FRMD4A: variants seen among roughly 807,000 people sequenced by gnomAD.
FRMD4A encodes FERM domain containing 4A.
FRMD4A carries 29 observed loss-of-function variants against 129.1 expected under a neutral mutation model. The ratio of observed to expected loss-of-function variants is 0.22; its 90% CI spans 0.17 to 0.31. The LOEUF (loss-of-function observed/expected upper bound fraction) is 0.31. FRMD4A is among the 10% of genes least tolerant of loss of function. The probability of loss-of-function intolerance (pLI) is 1.00; values close to 1 mark genes in which losing one functional copy is unlikely to be tolerated. For missense variants in FRMD4A, 1,272 were observed against 1,375.8 expected (o/e 0.92, Z 1.19); for synonymous variants, 634 against 571.6 (o/e 1.11, Z -1.56).
intron 5 of FRMD4A, among the ~76,000 whole-genome samples, chr10:13,788,920 G>C (rs1049163658): frequency 2.0e-5 from 3 of 152,180 alleles, no homozygotes; most frequent in Non-Finnish European, 4.4e-5. Flanking sequence ...ACATCAGCCA[G>C]GTCTCCTCCT....
chr10:14,089,918 G>A (rs1836560442), intron 2 of FRMD4A, among the ~76,000 whole-genome samples: 1 of 152,154 alleles, frequency 6.6e-6, no homozygotes, highest in Admixed American at 6.5e-5. Flanking sequence ...CGTATATATT[G>A]TACAGATTTT....
rs1163366657 is a variant in FRMD4A at position 14,035,861 on chromosome 10, T to C, written c.46-176949A>G. ...CACCTTCCTTTCCATGTGTTTTGCT[T>C]CTCTGACCATCTCAATGCCAAAATA... On this transcript the variant is annotated intron_variant, in intron 2 of 24. Transcript: ENST00000357447. 2.0e-5 allele frequency among the ~76,000 whole-genome samples: 3 copies of C among 152,258 alleles called. No homozygotes were observed. In the East Asian group the frequency reaches 5.8e-4, roughly 29 times the overall value.
chr10:13,842,729 A>T (rs2093985985), intron 3 of FRMD4A, among the ~76,000 whole-genome samples: 1 of 152,200 alleles, frequency 6.6e-6, no homozygotes, highest in African/African-American at 2.4e-5. Context: ...CAATAAAGCT[A>T]AATGTGTCTT....
intron 6 of FRMD4A, among the ~76,000 whole-genome samples, chr10:13,781,250 GC>G (rs1402768785): frequency 8.0e-6 from 1 of 125,682 alleles, no homozygotes; most frequent in Non-Finnish European, 1.6e-5. Flanking sequence ...GTTGCAGTGA[GC>G]CAAGATTGCA....
intron 2 of FRMD4A, among the ~76,000 whole-genome samples, chr10:14,292,786 C>A (rs950777609): frequency 6.6e-6 from 1 of 151,390 alleles, no homozygotes; most frequent in Non-Finnish European, 1.5e-5. Context: ...GGCGACAGAG[C>A]GAGACTCTGC....
At chr10:14,268,518 T>C (rs974977159) in intron 2 of FRMD4A, among the ~76,000 whole-genome samples, 6 of 152,250 alleles carry the variant, frequency 3.9e-5, no homozygotes, top group African/African-American at 1.4e-4. Flanking sequence ...TTTATTTATT[T>C]TTTCATTCAT....
intron 12 of FRMD4A, among the ~76,000 whole-genome samples, chr10:13,720,660 G>A (rs1168705000): frequency 2.6e-5 from 4 of 152,220 alleles, no homozygotes; most frequent in Non-Finnish European, 5.9e-5. Context: ...GGGAACCAGG[G>A]AAGGATAGGA....
At chr10:13,952,213 G>A (rs1588508233) in intron 2 of FRMD4A, among the ~76,000 whole-genome samples, 4 of 150,844 alleles carry the variant, frequency 2.7e-5, no homozygotes, top group Admixed American at 2.6e-4. Flanking sequence ...AAATGGAGTG[G>A]CTGCCTGGGC....
intron 3 of FRMD4A, among the ~76,000 whole-genome samples, chr10:13,826,707 C>T (rs1388006289): frequency 3.3e-5 from 5 of 151,908 alleles, no homozygotes; most frequent in Admixed American, 2.6e-4. Flanking sequence ...ATGTCGTTTT[C>T]GATACAATTA....
intron 2 of FRMD4A, among the ~76,000 whole-genome samples, chr10:13,882,667 C>T (rs1414847215): frequency 2.6e-5 from 4 of 152,194 alleles, no homozygotes; most frequent in Middle Eastern, 3.2e-3. Context: ...CATGTGCCCT[C>T]TTCATCCTCA....
At chr10:13,997,029 AAACAG>A (rs2095625095) in intron 2 of FRMD4A, among the ~76,000 whole-genome samples, 1 of 130,236 alleles carries the variant, frequency 7.7e-6, no homozygotes, top group African/African-American at 3.1e-5. Flanking sequence ...AAACAAAACA[AAACAG>A]GTTTTCCCTC....
At chr10:14,124,746 T>C (rs116255405) in intron 2 of FRMD4A, among the ~76,000 whole-genome samples, 1,624 of 152,252 alleles carry the variant, frequency 0.011, 22 homozygotes, top group African/African-American at 0.037. Context: ...CTGTAACAAG[T>C]GGTACAATCA....
chr10:14,037,309 C>T (rs1394373904), intron 2 of FRMD4A, among the ~76,000 whole-genome samples: 4 of 152,210 alleles, frequency 2.6e-5, no homozygotes, highest in Admixed American at 6.5e-5. Flanking sequence ...ACTCTGCCTC[C>T]AGGGCTCAAG....
chr10:14,305,623 G>A (rs1846323998), intron 2 of FRMD4A, among the ~76,000 whole-genome samples: 1 of 152,040 alleles, frequency 6.6e-6, no homozygotes, highest in Non-Finnish European at 1.5e-5. Context: ...GTTCTTGACT[G>A]TTCTACAGAG....
chr10:14,086,528 G>A (rs1205283786), intron 2 of FRMD4A, among the ~76,000 whole-genome samples: 2 of 152,138 alleles, frequency 1.3e-5, no homozygotes, highest in African/African-American at 4.8e-5. Context: ...GGATAATCAA[G>A]TTTAATTAAA....
intron 2 of FRMD4A, among the ~76,000 whole-genome samples, chr10:14,176,682 C>A (rs1265471987): frequency 6.6e-6 from 1 of 152,026 alleles, no homozygotes; most frequent in Non-Finnish European, 1.5e-5. Flanking sequence ...ACCATGTTGG[C>A]CAGGATGGTC....
At chr10:14,009,558 T>G (rs1441327812) in intron 2 of FRMD4A, among the ~76,000 whole-genome samples, 2 of 151,476 alleles carry the variant, frequency 1.3e-5, no homozygotes, top group African/African-American at 2.4e-5. Context: ...GAAATGGGGG[T>G]GGGGTGCGAA....
Position 13,785,688 on chromosome 10 carries a change from T to C in FRMD4A, c.300-2682A>G, listed in dbSNP as rs34619115. The stretch of plus-strand genomic sequence containing the variant: ...GCACAACGTGCAGGTTTGTTACGTA[T>C]GTATACATATGCCATGTTGGTGTGC... On this transcript the variant is annotated intron_variant, in intron 5 of 24. Transcript: ENST00000357447. Among the ~76,000 whole-genome samples the C allele has an allele frequency of 6.7e-4, 102 of 152,354 alleles. 1 individual carries two copies. The highest frequency in any genetic ancestry group is 2.5e-3 in the Admixed American group (38 of 15,300).
chr10:14,231,595 C>G (rs753092568), intron 2 of FRMD4A, among the ~76,000 whole-genome samples: 1 of 152,218 alleles, frequency 6.6e-6, no homozygotes, highest in Non-Finnish European at 1.5e-5. Context: ...ATCCGCCCAT[C>G]TTGGCCTCCC....
Sources: allele counts gnomAD v4.1 joint callset (sites outside exome capture counted in the v4.1 genomes callset), GRCh38; gene constraint gnomAD v4.1.1; transcripts MANE v1.5; gene names NCBI Gene and HGNC (gene_info 2026-07-23, HGNC 2026-07-21).